PTPRD: variants seen among roughly 807,000 people sequenced by gnomAD.
PTPRD encodes the protein receptor-type tyrosine-protein phosphatase delta.
Under a neutral mutation model 214.5 loss-of-function variants are expected in PTPRD, and 34 were observed. The observed-to-expected ratio is 0.16, with a 90% CI of 0.12 to 0.21. The LOEUF (loss-of-function observed/expected upper bound fraction) is 0.21. Among genes scored for constraint, PTPRD ranks in the 10% least tolerant of loss-of-function variants. The probability of loss-of-function intolerance (pLI) is 1.00; values close to 1 mark genes in which losing one functional copy is unlikely to be tolerated. For synonymous variants in PTPRD, 1,128 were observed against 845.7 expected (o/e 1.33, Z -5.79); for missense variants, 2,545 against 2,398.7 (o/e 1.06, Z -1.27).
chr9:10,528,684 G>C (rs2055120322), intron 2 of PTPRD, among the ~76,000 whole-genome samples: 1 of 152,018 alleles, frequency 6.6e-6, no homozygotes. Context: ...CAGTAATTTG[G>C]GCATTAATTA....
chr9:10,607,783 A>C (rs1345968365), intron 2 of PTPRD, among the ~76,000 whole-genome samples: 1 of 152,036 alleles, frequency 6.6e-6, no homozygotes, highest in African/African-American at 2.4e-5. Context: ...AGCATTTAAA[A>C]TTAACATTGC....
intron 10 of PTPRD, among the ~76,000 whole-genome samples, chr9:9,158,295 T>C (rs1350433348): frequency 6.6e-6 from 1 of 152,118 alleles, no homozygotes; most frequent in Non-Finnish European, 1.5e-5. Context: ...ATTGCCACAC[T>C]GTCGTCAACA....
chr9:10,562,812 T>C (rs973911541), intron 2 of PTPRD, among the ~76,000 whole-genome samples: 1 of 152,138 alleles, frequency 6.6e-6, no homozygotes, highest in Non-Finnish European at 1.5e-5. Flanking sequence ...CATGTGACTA[T>C]AAGCACATTG....
Position 8,500,821 on chromosome 9 carries a change from C to T in PTPRD, c.2061G>A (p.Val687=), listed in dbSNP as rs200840097. Residue 687 remains valine (V), a synonymous_variant, in exon 24 of 46, where the codon GTG becomes GTA. Coordinates refer to ENST00000381196, the MANE Select transcript of PTPRD (RefSeq NM_002839.4). ...LEKWTEYRIT[V]TAHTDVGPGP... ...CAGGGCCGACATCTGTATGGGCTGT[C>T]ACAGTGATCCGGTATTCAGTCCATT... The T allele has an allele frequency of 3.1e-6, 5 of 1,614,132 alleles. No individual in the cohort carries two copies. Among genetic ancestry groups the T allele is most frequent in the Non-Finnish European group, 3.4e-6 (4 of 1,180,010 alleles).
At chr9:8,647,152 C>T (rs1338158236) in intron 12 of PTPRD, among the ~76,000 whole-genome samples, 1 of 152,164 alleles carries the variant, frequency 6.6e-6, no homozygotes, top group African/African-American at 2.4e-5. Context: ...TTAGATGAAG[C>T]ATAATATAAC....
At chr9:10,394,620 T>C (rs2098133571) in intron 2 of PTPRD, among the ~76,000 whole-genome samples, 1 of 151,932 alleles carries the variant, frequency 6.6e-6, no homozygotes, top group Non-Finnish European at 1.5e-5. Flanking sequence ...TTTAAGTGAG[T>C]AACTCGCACA....
intron 9 of PTPRD, among the ~76,000 whole-genome samples, chr9:9,318,280 T>C (rs1964486685): frequency 6.6e-6 from 1 of 150,848 alleles, no homozygotes; most frequent in African/African-American, 2.4e-5. Flanking sequence ...AAAAACAAGT[T>C]TGCCACAATT....
intron 2 of PTPRD, among the ~76,000 whole-genome samples, chr9:10,349,344 A>C (rs1233291172): frequency 6.6e-6 from 1 of 152,086 alleles, no homozygotes; most frequent in Non-Finnish European, 1.5e-5. Context: ...ACATATGCAC[A>C]CAAACACGCA....
At chr9:9,410,518 G>A (rs992829538) in intron 8 of PTPRD, among the ~76,000 whole-genome samples, 1 of 152,068 alleles carries the variant, frequency 6.6e-6, no homozygotes, top group African/African-American at 2.4e-5. Flanking sequence ...CCACACATGT[G>A]ATCCTTATTA....
At chr9:9,931,822 T>G (rs1000359874) in intron 5 of PTPRD, among the ~76,000 whole-genome samples, 1 of 151,028 alleles carries the variant, frequency 6.6e-6, no homozygotes, top group Non-Finnish European at 1.5e-5. Flanking sequence ...GACTTAAATG[T>G]CCCTGTCTGA....
chr9:9,804,412 T>C (rs556676382), intron 5 of PTPRD, among the ~76,000 whole-genome samples: 3 of 152,244 alleles, frequency 2.0e-5, no homozygotes, highest in Admixed American at 6.5e-5. Context: ...AATGGGTAAA[T>C]TGAATGTCTA....
intron 11 of PTPRD, among the ~76,000 whole-genome samples, chr9:8,859,387 A>G (rs1429819795): frequency 6.6e-6 from 1 of 152,190 alleles, no homozygotes; most frequent in Admixed American, 6.5e-5. Context: ...TTCACTACTC[A>G]TAGGGTCTCC....
chr9:8,603,673 G>A (rs1468087670), intron 14 of PTPRD, among the ~76,000 whole-genome samples: 1 of 152,122 alleles, frequency 6.6e-6, no homozygotes, highest in Non-Finnish European at 1.5e-5. Context: ...AACTATAGTT[G>A]TTACTTATAA....
At chr9:8,808,366 C>T (rs924986548) in intron 11 of PTPRD, among the ~76,000 whole-genome samples, 7 of 151,748 alleles carry the variant, frequency 4.6e-5, no homozygotes, top group African/African-American at 1.2e-4. Context: ...TTTGGGAAAA[C>T]GCTAAGCTAA....
intron 4 of PTPRD, among the ~76,000 whole-genome samples, chr9:9,998,885 A>C (rs2154090463): frequency 6.6e-6 from 1 of 152,334 alleles, no homozygotes; most frequent in Middle Eastern, 3.4e-3. Context: ...ACATTTTCTT[A>C]CCATCAATGG....
At chr9:9,415,664 G>C (rs1435454517) in intron 8 of PTPRD, among the ~76,000 whole-genome samples, 1 of 152,064 alleles carries the variant, frequency 6.6e-6, no homozygotes, top group Non-Finnish European at 1.5e-5. Flanking sequence ...TTACCCTTTA[G>C]GGATTAGTAA....
chr9:8,821,849 G>C (rs983443314), intron 11 of PTPRD, among the ~76,000 whole-genome samples: 2 of 152,162 alleles, frequency 1.3e-5, no homozygotes, highest in Non-Finnish European at 2.9e-5. Flanking sequence ...ATTTTTAGTA[G>C]AGACGGGGTT....
chr9:10,111,861 A>C (rs1440367304), intron 3 of PTPRD, among the ~76,000 whole-genome samples: 1 of 152,194 alleles, frequency 6.6e-6, no homozygotes, highest in African/African-American at 2.4e-5. Flanking sequence ...TATTGGAAGC[A>C]CGAGAATTTG....
At chr9:9,758,743 C>T (rs546375090) in intron 6 of PTPRD, among the ~76,000 whole-genome samples, 1 of 151,334 alleles carries the variant, frequency 6.6e-6, no homozygotes, top group South Asian at 2.1e-4. Context: ...CGCCACCCAC[C>T]CCCAACCCCC....
Sources: gnomAD v4.1 joint callset for allele counts (sites outside exome capture counted in the v4.1 genomes callset) on GRCh38, gnomAD v4.1.1 for gene constraint, MANE v1.5 for transcripts, NCBI Gene and HGNC (gene_info 2026-07-23, HGNC 2026-07-21) for gene names.